The following TAB2 variants were observed in gnomAD, a reference collection of about 807,000 sequenced individuals.
The protein encoded by TAB2 is TGF-beta activated kinase 1 (MAP3K7) binding protein 2.
Under a neutral mutation model 65.0 loss-of-function variants are expected in TAB2, and 3 were observed. That is an observed-to-expected ratio of 0.05 (90% CI 0.02 to 0.12). The LOEUF is 0.12. TAB2 is among the 10% of genes least tolerant of loss of function. The pLI, the probability that TAB2 is intolerant of heterozygous loss-of-function variation, is 1.00. For synonymous variants in TAB2, 298 were observed against 285.1 expected, an observed-to-expected ratio of 1.05 and a Z score of -0.46; for missense variants, 623 against 840.3, an observed-to-expected ratio of 0.74 and a Z score of 3.20.
chr6:149,399,052 A>G, intron 5 of TAB2, 52 bp from the exon 6 acceptor site: 1 of 1,449,430 alleles, frequency 6.9e-7, no homozygotes, highest in South Asian at 1.2e-5. Flanking sequence ...TTAAAAAGTA[A>G]AGTTGTTTTT....
At chr6:149,253,634 A>G (rs77013687) in intron 1 of TAB2, among the ~76,000 whole-genome samples, 34 of 146,072 alleles carry the variant, frequency 2.3e-4, no homozygotes, top group South Asian at 4.3e-4. Flanking sequence ...AAAAAAAAAA[A>G]AAAAGAAAGC....
intron 1 of TAB2, among the ~76,000 whole-genome samples, chr6:149,261,979 G>A (rs909981131): frequency 6.6e-6 from 1 of 152,212 alleles, no homozygotes; most frequent in Non-Finnish European, 1.5e-5. Flanking sequence ...ATTGTCAGAG[G>A]TCATTTAAAT....
chr6:149,369,646 G>C (rs536552128), intron 1 of TAB2, among the ~76,000 whole-genome samples: 50 of 152,272 alleles, frequency 3.3e-4, no homozygotes, highest in Non-Finnish European at 6.0e-4. Context: ...AACCTTGAAA[G>C]TAATTTCTTA....
At chr6:149,405,557 T>G (rs1782635067) in intron 6 of TAB2, among the ~76,000 whole-genome samples, 1 of 152,220 alleles carries the variant, frequency 6.6e-6, no homozygotes, top group African/African-American at 2.4e-5. Context: ...CAGTGGAATA[T>G]TACTCAGCCT....
At chr6:149,221,631 C>T (rs1216886574) in intron 1 of TAB2, among the ~76,000 whole-genome samples, 3 of 152,178 alleles carry the variant, frequency 2.0e-5, no homozygotes, top group African/African-American at 2.4e-5. Flanking sequence ...AAACACTTAA[C>T]GCACTCTCTG....
chr6:149,393,733 T>C (rs1341678954), intron 3 of TAB2, among the ~76,000 whole-genome samples: 1 of 152,188 alleles, frequency 6.6e-6, no homozygotes, highest in Admixed American at 6.5e-5. Flanking sequence ...TGTTGGAAAA[T>C]AAATTAGATT....
At chr6:149,304,017 C>T (rs1333923442) in intron 1 of TAB2, 1 of 152,210 alleles carries the variant, frequency 6.6e-6, no homozygotes, top group African/African-American at 2.4e-5. Flanking sequence ...GAACTGGAAA[C>T]TTTCTTTCTA....
intron 1 of TAB2, among the ~76,000 whole-genome samples, chr6:149,253,958 A>AAAAAAG (rs1777920624): frequency 1.3e-5 from 1 of 76,304 alleles, no homozygotes; most frequent in African/African-American, 5.1e-5. Context: ...GAAAGAAAGA[A>AAAAAAG]AAAGAAAGAA....
intron 2 of TAB2, among the ~76,000 whole-genome samples, chr6:149,372,694 A>G (rs1338293768): frequency 6.6e-6 from 1 of 152,166 alleles, no homozygotes; most frequent in East Asian, 1.9e-4. Flanking sequence ...TGAGTTGATA[A>G]TAATTTAGGG....
intron 1 of TAB2, among the ~76,000 whole-genome samples, chr6:149,311,158 C>T (rs1361696421): frequency 6.6e-6 from 1 of 152,222 alleles, no homozygotes; most frequent in Non-Finnish European, 1.5e-5. Flanking sequence ...CTACCTGCTT[C>T]GTCTTGTCTC....
At chr6:149,309,400 C>T (rs1446050123) in intron 1 of TAB2, among the ~76,000 whole-genome samples, 3 of 144,812 alleles carry the variant, frequency 2.1e-5, no homozygotes, top group South Asian at 2.1e-4. Context: ...ACCAATAATT[C>T]CTCTTTTTTT....
chr6:149,355,627 A>G (rs994710832), intron 1 of TAB2, among the ~76,000 whole-genome samples: 1 of 149,844 alleles, frequency 6.7e-6, no homozygotes, highest in Admixed American at 6.7e-5. Context: ...AGGTCACACC[A>G]TTGCACTCCA....
intron 3 of TAB2, among the ~76,000 whole-genome samples, chr6:149,383,209 A>C (rs1313077626): frequency 6.6e-6 from 1 of 152,022 alleles, no homozygotes; most frequent in Admixed American, 6.5e-5. Flanking sequence ...ATAAAGTAAC[A>C]CCCTGGATAG....
chr6:149,406,006 C>T (rs979733899), intron 6 of TAB2, among the ~76,000 whole-genome samples: 5 of 152,046 alleles, frequency 3.3e-5, no homozygotes, highest in Non-Finnish European at 1.5e-5. Flanking sequence ...AGTTGTACAG[C>T]TTATAATTTT....
At chr6:149,245,911 TTATA>T (rs1333324527) in intron 1 of TAB2, among the ~76,000 whole-genome samples, 2 of 152,194 alleles carry the variant, frequency 1.3e-5, no homozygotes, top group Admixed American at 6.5e-5. Flanking sequence ...ACTTTAAAAA[TTATA>T]CAGTCGTTAC....
intron 1 of TAB2, among the ~76,000 whole-genome samples, chr6:149,333,493 T>C (rs2114758686): frequency 6.6e-6 from 1 of 152,278 alleles, no homozygotes; most frequent in East Asian, 1.9e-4. Flanking sequence ...AAGAAAGGAA[T>C]GTTAATCTGT....
intron 1 of TAB2, among the ~76,000 whole-genome samples, chr6:149,242,111 T>C (rs995596353): frequency 6.6e-5 from 10 of 152,308 alleles, no homozygotes; most frequent in African/African-American, 2.4e-4. Context: ...GGGATGGCCC[T>C]CCTTCCTGCC....
intron 1 of TAB2, among the ~76,000 whole-genome samples, chr6:149,259,697 A>G (rs1260443670): frequency 6.6e-6 from 1 of 152,084 alleles, no homozygotes; most frequent in Non-Finnish European, 1.5e-5. Flanking sequence ...GAAGGTGTAA[A>G]ATGTGTTATT....
chr6:149,308,471 C>T (rs1374641716), intron 1 of TAB2, among the ~76,000 whole-genome samples: 1 of 151,716 alleles, frequency 6.6e-6, no homozygotes, highest in East Asian at 1.9e-4. Context: ...ATTTATTTTC[C>T]TATTTTTTAA....
Sources: allele counts gnomAD v4.1 joint callset (sites outside exome capture counted in the v4.1 genomes callset), GRCh38; gene constraint gnomAD v4.1.1; transcripts MANE v1.5; gene names NCBI Gene and HGNC (gene_info 2026-07-23, HGNC 2026-07-21).